AREL1: variants seen among roughly 807,000 people sequenced by gnomAD.
The protein encoded by AREL1 is apoptosis-resistant E3 ubiquitin protein ligase 1.
Under a neutral mutation model 99.0 loss-of-function variants are expected in AREL1, and 62 were observed. That is an observed-to-expected ratio of 0.63 (90% CI 0.51 to 0.77). AREL1 has a LOEUF of 0.77. AREL1 is among the 30% of genes least tolerant of loss of function. AREL1 has a pLI of 0.00. For missense variants in AREL1, 879 were observed against 1,027.6 expected, an observed-to-expected ratio of 0.86 and a Z score of 1.98; for synonymous variants, 380 against 376.5, an observed-to-expected ratio of 1.01 and a Z score of -0.11.
chr14:74,667,242 G>C (rs190890840), intron 17 of AREL1, 77 bp downstream of exon 17: 3 of 1,557,272 alleles, frequency 1.9e-6, no homozygotes, highest in South Asian at 2.3e-5. Flanking sequence ...TCTCATAAGA[G>C]AAGGTACACC....
At chr14:74,695,530 C>T (rs1006533816) in intron 1 of AREL1, among the ~76,000 whole-genome samples, 2 of 152,200 alleles carry the variant, frequency 1.3e-5, no homozygotes, top group African/African-American at 2.4e-5. Context: ...TTCAGTACCT[C>T]TACTGAGCTT....
intron 1 of AREL1, among the ~76,000 whole-genome samples, chr14:74,700,561 G>A (rs1435569217): frequency 6.6e-6 from 1 of 152,134 alleles, no homozygotes; most frequent in African/African-American, 2.4e-5. Flanking sequence ...GGTGGATCAC[G>A]AGTTCAGGAG....
intron 14 of AREL1, 22 bp downstream of exon 14, chr14:74,669,925 A>T: frequency 1.9e-6 from 3 of 1,589,704 alleles, no homozygotes; most frequent in Non-Finnish European, 2.6e-6. Context: ...CCTTAGTAGG[A>T]AATGCACACC....
At chr14:74,683,897 C>T (rs895312443) in intron 4 of AREL1, among the ~76,000 whole-genome samples, 12 of 152,126 alleles carry the variant, frequency 7.9e-5, no homozygotes, top group South Asian at 2.1e-4. Context: ...GTAAGTTAGC[C>T]GGCAGCACTG....
rs144247751 is a variant in AREL1, at chr14:74,706,577, T to C, written c.-334+6356A>G. ...GAAGGAGAAACTCAACACTTACCTA[T>C]TCAAAACAAAATTTCTGTTGACCTA... On this transcript the variant is annotated intron_variant, in intron 1 of 19. Transcript: ENST00000356357. Among the ~76,000 whole-genome samples, 474 of 152,268 alleles carry C rather than the reference T, an allele frequency of 3.1e-3. 2 individuals carry two copies. The highest frequency in any genetic ancestry group is 5.6e-3 in the Non-Finnish European group (383 of 68,010).
chr14:74,678,077 T>TATA (rs1249123387), intron 5 of AREL1: 4 of 391,758 alleles, frequency 1.0e-5, no homozygotes, highest in Non-Finnish European at 2.0e-5. Context: ...CAAGATTATT[T>TATA]ATAGATTTAG....
At chr14:74,664,597 C>G (rs2089168272) in intron 18 of AREL1, among the ~76,000 whole-genome samples, 1 of 150,466 alleles carries the variant, frequency 6.6e-6, no homozygotes, top group Non-Finnish European at 1.5e-5. Flanking sequence ...CAGGCATGTG[C>G]CACCACACCC....
Position 74,700,738 on chromosome 14 carries a change from C to A in AREL1, c.-333-8410G>T, listed in dbSNP as rs954201139. Among the ~76,000 whole-genome samples, 3 of 152,192 alleles carry A rather than the reference C, an allele frequency of 2.0e-5. No individual in the cohort carries two copies. In the South Asian group the frequency reaches 6.2e-4, roughly 32 times the overall value. ...GAGGTTGCAGTAAGCTGAGATCATG[C>A]TACTGCACTCCAGTCTGGGCGACAG... On this transcript the variant is annotated intron_variant, in intron 1 of 19. Coordinates refer to ENST00000356357, the MANE Select transcript of AREL1 (RefSeq NM_001039479.2).
intron 11 of AREL1, 103 bp downstream of exon 11, chr14:74,672,728 C>T (rs2089377850): frequency 2.0e-6 from 3 of 1,506,886 alleles, no homozygotes; most frequent in East Asian, 4.5e-5. Flanking sequence ...GAGTGAGACC[C>T]TATCTCCCAA....
At position 74,662,418 on chromosome 14, in the gene AREL1, C is replaced by G. The variant is rs1240998226; in HGVS notation, c.*1302G>C. 2 of 395,924 alleles carry G rather than the reference C, an allele frequency of 5.1e-6. No homozygotes were observed. The highest frequency in any genetic ancestry group is 2.1e-5 in the African/African-American group (1 of 48,688). 24.5% of individuals were successfully genotyped at this position (395,924 alleles called of 1,614,324 possible). A position where few individuals can be genotyped will look rare whatever the true frequency, so the allele number is the denominator to read the frequency against. On this transcript the variant is annotated 3_prime_UTR_variant, in exon 20 of 20. Transcript: ENST00000356357. ...GCTTGCAGCAAAGCCTTCTTAAAAA[C>G]ACAAATTTGGGAAGTCAATGAGATT...
In AREL1 at chr14:74,676,158, T is replaced by A; in HGVS notation, c.815A>T (p.Asp272Val). Residue 272 changes from aspartate (D) to valine (V), a missense_variant, in exon 7 of 20, where the codon GAC (aspartate) becomes GTC (valine). Transcript: ENST00000356357. The stretch of plus-strand genomic sequence containing the variant: ...TAACTTACCACTTAGGACAATAATG[T>A]CAAATTCACCATTATTGATTGGCTG... ...QNQPINNGEFDIIVLSEDEKN... is the reference protein window; with the variant it reads ...QNQPINNGEFVIIVLSEDEKN... 6.2e-7 allele frequency: 1 copy of A among 1,613,690 alleles called. No homozygotes were observed. The highest frequency in any genetic ancestry group is 8.5e-7 in the Non-Finnish European group (1 of 1,179,956).
intron 12 of AREL1, 82 bp from the exon 13 acceptor site, chr14:74,670,953 T>G: frequency 9.4e-7 from 1 of 1,068,504 alleles, no homozygotes; most frequent in South Asian, 1.4e-5. Flanking sequence ...CATTTTATAC[T>G]CTCCACATTC....
At chr14:74,704,661 C>A (rs964960453) in intron 1 of AREL1, among the ~76,000 whole-genome samples, 1 of 151,940 alleles carries the variant, frequency 6.6e-6, no homozygotes, top group Non-Finnish European at 1.5e-5. Flanking sequence ...AAATATAAGT[C>A]CTTTATTAGA....
At chr14:74,679,269 A>G (rs1251313774) in intron 5 of AREL1, among the ~76,000 whole-genome samples, 2 of 152,222 alleles carry the variant, frequency 1.3e-5, no homozygotes, top group East Asian at 3.9e-4. Context: ...CAAAAAATAT[A>G]AAAATTAGCC....
intron 1 of AREL1, among the ~76,000 whole-genome samples, chr14:74,705,432 C>A (rs1185113496): frequency 6.6e-6 from 1 of 152,096 alleles, no homozygotes; most frequent in East Asian, 1.9e-4. Flanking sequence ...TTAAGTTTAG[C>A]CAAGGTTTTA....
chr14:74,699,192 A>G (rs1028717205), intron 1 of AREL1, among the ~76,000 whole-genome samples: 1 of 152,136 alleles, frequency 6.6e-6, no homozygotes, highest in African/African-American at 2.4e-5. Flanking sequence ...TTTGAGGAGT[A>G]AAAAAATGGA....
intron 1 of AREL1, chr14:74,712,100 GA>G (rs1310715517): frequency 3.8e-5 from 3 of 79,880 alleles, no homozygotes; most frequent in African/African-American, 8.0e-5. Context: ...GAAAGAAAAA[GA>G]AAAAAAGAAA....
intron 1 of AREL1, among the ~76,000 whole-genome samples, chr14:74,698,417 TACA>T (rs891361135): frequency 2.0e-5 from 3 of 152,214 alleles, no homozygotes; most frequent in African/African-American, 7.2e-5. Flanking sequence ...GAAATGGGGT[TACA>T]GTCTAATTCA....
chr14:74,695,686 G>A (rs2089969493), intron 1 of AREL1, among the ~76,000 whole-genome samples: 1 of 152,140 alleles, frequency 6.6e-6, no homozygotes, highest in South Asian at 2.1e-4. Flanking sequence ...TTACTAGTCT[G>A]TATTGAAATT....
Sources: allele counts gnomAD v4.1 joint callset (sites outside exome capture counted in the v4.1 genomes callset), GRCh38; gene constraint gnomAD v4.1.1; transcripts MANE v1.5; gene names NCBI Gene and HGNC (gene_info 2026-07-23, HGNC 2026-07-21).